The following ZNF790 variants were observed in gnomAD, a reference collection of about 807,000 sequenced individuals.
ZNF790 encodes zinc finger protein 790.
ZNF790 carries 8 observed loss-of-function variants against 12.1 expected under a neutral mutation model. That is an observed-to-expected ratio of 0.66 (90% CI 0.39 to 1.19). ZNF790 has a LOEUF of 1.19. ZNF790 is among the 50% of genes most tolerant of loss of function. The pLI is 0.01. For synonymous variants in ZNF790, 252 were observed against 244.3 expected, an observed-to-expected ratio of 1.03 and a Z score of -0.29; for missense variants, 707 against 752.2, an observed-to-expected ratio of 0.94 and a Z score of 0.70.
intron 4 of ZNF790, 111 bp from the exon 5 acceptor site, chr19:36,820,225 T>C (rs1475003601): frequency 8.5e-7 from 1 of 1,178,388 alleles, no homozygotes; most frequent in Non-Finnish European, 1.1e-6. Context: ...AGTGAATGGC[T>C]TAGAAAATTC....
At chr19:36,825,714 G>A in intron 1 of ZNF790, 22 bp from the exon 2 acceptor site, 2 of 1,385,910 alleles carry the variant, frequency 1.4e-6, no homozygotes, top group Non-Finnish European at 2.1e-6. Context: ...GAATCACAAG[G>A]TCAGGCCTTT....
intron 1 of ZNF790, among the ~76,000 whole-genome samples, chr19:36,834,990 TATAAA>T (rs1242114207): frequency 1.3e-5 from 2 of 152,246 alleles, no homozygotes; most frequent in Non-Finnish European, 2.9e-5. Context: ...TTACAGGTTA[TATAAA>T]ATAAAATTTT....
chr19:36,846,686 G>C (rs1320743280), intron 1 of ZNF790, among the ~76,000 whole-genome samples: 1 of 152,212 alleles, frequency 6.6e-6, no homozygotes, highest in Non-Finnish European at 1.5e-5. Flanking sequence ...ATTTGTGGAA[G>C]GTAAATACTT....
intron 4 of ZNF790, among the ~76,000 whole-genome samples, chr19:36,822,062 C>T (rs749186806): frequency 6.6e-6 from 1 of 152,042 alleles, no homozygotes; most frequent in Non-Finnish European, 1.5e-5. Context: ...AATGTGTGGC[C>T]ATGTTCCAAT....
upstream of ZNF790, among the ~76,000 whole-genome samples, chr19:36,842,702 C>A (rs142064631): frequency 0.011 from 1,660 of 149,212 alleles, 38 homozygotes; most frequent in African/African-American, 0.038. Context: ...ACTTTTTTTT[C>A]CTGTATGAAA....
At chr19:36,834,937 A>G (rs954210175) in intron 1 of ZNF790, among the ~76,000 whole-genome samples, 3 of 152,222 alleles carry the variant, frequency 2.0e-5, no homozygotes, top group African/African-American at 7.2e-5. Context: ...ACAATCATTA[A>G]TATCTGTATA....
upstream of ZNF790, among the ~76,000 whole-genome samples, chr19:36,843,197 T>G (rs1466710901): frequency 6.6e-6 from 1 of 152,108 alleles, no homozygotes; most frequent in Non-Finnish European, 1.5e-5. Flanking sequence ...AACACAACAT[T>G]GGAGACTTTA....
intron 1 of ZNF790, among the ~76,000 whole-genome samples, chr19:36,848,800 T>TG (rs1435324971): frequency 2.2e-5 from 1 of 45,300 alleles, no homozygotes; most frequent in Non-Finnish European, 5.1e-5. Context: ...CCTTGTTTTT[T>TG]GGGGGTTTTT....
chr19:36,838,444 A>C (rs2146086917), upstream of ZNF790: 1 of 152,416 alleles, frequency 6.6e-6, no homozygotes, highest in Admixed American at 6.5e-5. The surrounding 1 kb of genome is among the most constrained non-coding windows in gnomAD (Gnocchi z 4.4). Flanking sequence ...ACTCTGGGAA[A>C]TGTAGTCCGG....
At position 36,825,634 on chromosome 19, in the gene ZNF790, A is replaced by G; in HGVS notation, c.-15T>C. The G allele has an allele frequency of 6.2e-7, 1 of 1,614,116 alleles. No homozygotes were observed. Among genetic ancestry groups the G allele is most frequent in the Non-Finnish European group, 8.5e-7 (1 of 1,179,952 alleles). On this transcript the variant is annotated 5_prime_UTR_variant, in exon 2 of 5. Coordinates refer to ENST00000356725, the MANE Select transcript of ZNF790 (RefSeq NM_206894.4). ...ACATGGGCCATGACTTAACATTCCA[A>G]GTCCACCAGTCCTTCTCTGGATTCT...
At chr19:36,846,299 C>A (rs1041818180) in intron 1 of ZNF790, among the ~76,000 whole-genome samples, 2 of 152,160 alleles carry the variant, frequency 1.3e-5, no homozygotes, top group Admixed American at 6.5e-5. Flanking sequence ...TGGCTCACGC[C>A]TGTAGTCCCA....
chr19:36,823,173 G>A (rs1408917940), intron 4 of ZNF790, 112 bp downstream of exon 4: 7 of 875,752 alleles, frequency 8.0e-6, no homozygotes, highest in African/African-American at 5.1e-5. Flanking sequence ...CCCATTTTTT[G>A]GTCTTAAGGG....
At chr19:36,825,773 A>G in intron 1 of ZNF790, 81 bp from the exon 2 acceptor site, 1 of 824,842 alleles carries the variant, frequency 1.2e-6, no homozygotes, top group South Asian at 1.4e-5. Context: ...TCTTCCTTGG[A>G]GGTAAGTCAG....
At position 36,831,063 on chromosome 19, in the gene ZNF790, T is replaced by TG. The variant is rs1319505285; in HGVS notation, c.-73-5372dup. ...CTGAGGCAGGAGAATCACTTGAACCTGGGAGGCAGAGGTTCCAGTGAGCCA... is the reference window on the plus strand; with the variant it reads ...CTGAGGCAGGAGAATCACTTGAACCTGGGGAGGCAGAGGTTCCAGTGAGCCA... On this transcript the variant is annotated intron_variant, in intron 1 of 4. Transcript: ENST00000356725. 4.6e-5 allele frequency among the ~76,000 whole-genome samples: 7 copies of TG among 151,726 alleles called. No individual in the cohort carries two copies. The East Asian group carries it at 1.4e-3, about 30-fold the overall frequency.
chr19:36,837,486 C>T (rs1012215209), intron 1 of ZNF790, among the ~76,000 whole-genome samples: 1 of 152,194 alleles, frequency 6.6e-6, no homozygotes, highest in East Asian at 1.9e-4. Flanking sequence ...GAATTTCCTG[C>T]CATGAGATTG....
intron 4 of ZNF790, among the ~76,000 whole-genome samples, chr19:36,821,565 G>A (rs1261450074): frequency 6.6e-6 from 1 of 151,764 alleles, no homozygotes; most frequent in Non-Finnish European, 1.5e-5. Flanking sequence ...ACAAGTCAGA[G>A]TTTGTCTTTT....
chr19:36,830,849 A>G lies in ZNF790; in HGVS notation c.-73-5157T>C, dbSNP rs577187041. Among the ~76,000 whole-genome samples, 329 of 152,312 alleles carry G rather than the reference A, an allele frequency of 2.2e-3. 1 individual carries two copies. The highest frequency in any genetic ancestry group is 7.6e-3 in the African/African-American group (317 of 41,548). On this transcript the variant is annotated intron_variant, in intron 1 of 4. Coordinates refer to ENST00000356725, the MANE Select transcript of ZNF790 (RefSeq NM_206894.4). ...TATAACATGCGTAAGATAGTTAGAT[A>G]AAAGTTTTAGGCTGGTGCAGTGGCT... is the stretch of plus-strand genomic sequence containing the variant.
upstream of ZNF790, among the ~76,000 whole-genome samples, chr19:36,839,972 A>C (rs2072115185): frequency 6.6e-6 from 1 of 152,142 alleles, no homozygotes; most frequent in African/African-American, 2.4e-5. Context: ...CTGAGGCAGG[A>C]GAATCGCTTG....
intron 1 of ZNF790, chr19:36,827,527 C>A (rs2071853990): frequency 6.5e-6 from 1 of 153,510 alleles, no homozygotes; most frequent in South Asian, 1.8e-4. Flanking sequence ...ATAGAGAATT[C>A]TCCGAAACAG....
Sources: allele counts gnomAD v4.1 joint callset (sites outside exome capture counted in the v4.1 genomes callset), GRCh38; gene constraint gnomAD v4.1.1; non-coding constraint Gnocchi (gnomAD v3.1); transcripts MANE v1.5; gene names NCBI Gene and HGNC (gene_info 2026-07-23, HGNC 2026-07-21).